RBFOX1: variants seen among roughly 807,000 people sequenced by gnomAD.
RBFOX1 encodes RNA binding protein fox-1 homolog 1.
A neutral mutation model predicts 57.7 loss-of-function variants in RBFOX1; 8 were observed. The ratio of observed to expected loss-of-function variants is 0.14; its 90% CI spans 0.08 to 0.25. The LOEUF (loss-of-function observed/expected upper bound fraction) is 0.25. RBFOX1 is among the 10% of genes least tolerant of loss of function. The pLI, the probability that RBFOX1 is intolerant of heterozygous loss-of-function variation, is 1.00. For missense variants in RBFOX1, 611 were observed against 548.5 expected (o/e 1.11, Z -1.14); for synonymous variants, 326 against 222.4 (o/e 1.47, Z -4.15).
chr16:5,802,489 C>T (rs574918899), intron 3 of RBFOX1, among the ~76,000 whole-genome samples: 1 of 152,254 alleles, frequency 6.6e-6, no homozygotes, highest in Admixed American at 6.5e-5. Flanking sequence ...ATTCTTGGCC[C>T]TTCCCTCATC....
chr16:6,352,713 T>C (rs988068742), intron 2 of RBFOX1, among the ~76,000 whole-genome samples: 8 of 152,242 alleles, frequency 5.3e-5, no homozygotes, highest in South Asian at 2.1e-4. Context: ...AGGGCATTTA[T>C]CATATTGAAG....
At chr16:6,413,823 A>G (rs184899259) in intron 2 of RBFOX1, among the ~76,000 whole-genome samples, 4 of 152,248 alleles carry the variant, frequency 2.6e-5, no homozygotes, top group East Asian at 1.9e-4. Context: ...TAGCCCCTGC[A>G]TGTTCTTTTT....
chr16:6,616,767 G>A (rs1281320846), intron 2 of RBFOX1, among the ~76,000 whole-genome samples: 4 of 152,182 alleles, frequency 2.6e-5, no homozygotes, highest in Non-Finnish European at 5.9e-5. Flanking sequence ...AAAAGGCAGG[G>A]CTTTTCTGAC....
intron 4 of RBFOX1, among the ~76,000 whole-genome samples, chr16:5,928,921 A>G (rs1567158460): frequency 6.6e-6 from 1 of 151,998 alleles, no homozygotes; most frequent in Non-Finnish European, 1.5e-5. Flanking sequence ...AATTGAAAAC[A>G]GAGCTCGCAA....
chr16:5,626,793 C>G (rs140678717), intron 3 of RBFOX1, among the ~76,000 whole-genome samples: 25 of 152,186 alleles, frequency 1.6e-4, no homozygotes, highest in African/African-American at 5.5e-4. Context: ...AAAAGCTCAA[C>G]TCTCTTGCTT....
intron 1 of RBFOX1, among the ~76,000 whole-genome samples, chr16:5,410,915 C>G (rs1352019684): frequency 2.0e-5 from 3 of 152,212 alleles, no homozygotes; most frequent in African/African-American, 7.2e-5. Context: ...CTCTTTACAT[C>G]TTGATTGTTT....
At chr16:7,406,437 C>G (rs1017990212) in intron 4 of RBFOX1, among the ~76,000 whole-genome samples, 3 of 152,188 alleles carry the variant, frequency 2.0e-5, no homozygotes, top group African/African-American at 7.2e-5. Context: ...CCAGTCCCTT[C>G]CTTTTACTGT....
chr16:6,257,567 C>T (rs1197259536), intron 1 of RBFOX1, among the ~76,000 whole-genome samples: 1 of 152,106 alleles, frequency 6.6e-6, no homozygotes, highest in South Asian at 2.1e-4. Flanking sequence ...GATCCTCTCC[C>T]ACTTCCCATC....
At chr16:7,458,563 C>T (rs1351401127) in intron 4 of RBFOX1, among the ~76,000 whole-genome samples, 1 of 152,202 alleles carries the variant, frequency 6.6e-6, no homozygotes, top group East Asian at 1.9e-4. Flanking sequence ...CTCTGACCTA[C>T]TTCCCTAGCA....
At chr16:6,170,738 C>A (rs2096954109) in intron 1 of RBFOX1, among the ~76,000 whole-genome samples, 2 of 152,072 alleles carry the variant, frequency 1.3e-5, no homozygotes, top group Admixed American at 1.3e-4. Context: ...GCTTCTCTCC[C>A]TCCTCCCACC....
At chr16:6,256,313 G>GTA (rs1475746244) in intron 1 of RBFOX1, among the ~76,000 whole-genome samples, 6 of 140,256 alleles carry the variant, frequency 4.3e-5, no homozygotes, top group East Asian at 2.0e-4. Flanking sequence ...ATATATATAT[G>GTA]TATATATATA....
intron 1 of RBFOX1, among the ~76,000 whole-genome samples, chr16:6,140,495 C>T (rs1432249192): frequency 6.6e-6 from 1 of 152,122 alleles, no homozygotes; most frequent in African/African-American, 2.4e-5. Flanking sequence ...TGTGCCCAGC[C>T]AGAAATGCTT....
Position 6,754,958 on chromosome 16 carries a change from G to C in RBFOX1, c.-16+100308G>C, listed in dbSNP as rs929079765. Among the ~76,000 whole-genome samples, 57 of 151,848 alleles carry C rather than the reference G, an allele frequency of 3.8e-4. 1 individual carries two copies. Among genetic ancestry groups the C allele is most frequent in the Non-Finnish European group, 4.7e-4 (32 of 68,000 alleles). ...CTATGACTGAGAATATGCGGTGTTT[G>C]GTTTTTTGTTCTTGGGATAGTTTAC... On this transcript the variant is annotated intron_variant, in intron 3 of 15. Coordinates refer to ENST00000550418, the MANE Select transcript of RBFOX1 (RefSeq NM_018723.4).
At position 6,850,158 on chromosome 16, in the gene RBFOX1, C is replaced by T. The variant is rs545619957; in HGVS notation, c.-16+195508C>T. Among the ~76,000 whole-genome samples, 13 of 152,270 alleles carry T rather than the reference C, an allele frequency of 8.5e-5. No homozygotes were observed. In the East Asian group the frequency reaches 2.1e-3, roughly 25 times the overall value. On this transcript the variant is annotated intron_variant, in intron 3 of 15. Coordinates refer to ENST00000550418, the MANE Select transcript of RBFOX1 (RefSeq NM_018723.4). ...AGTTCCTGCACCCTAGGGTTCCTTT[C>T]CCTTTATCATTTAGTCCTTCATTCA...
At chr16:5,532,286 G>T (rs2044512252) in intron 2 of RBFOX1, among the ~76,000 whole-genome samples, 1 of 152,204 alleles carries the variant, frequency 6.6e-6, no homozygotes, top group Admixed American at 6.5e-5. Flanking sequence ...AGCAGACTTT[G>T]CCAAACATTT....
intron 4 of RBFOX1, among the ~76,000 whole-genome samples, chr16:5,888,947 T>A (rs1198084978): frequency 6.6e-6 from 1 of 152,130 alleles, no homozygotes; most frequent in Admixed American, 6.5e-5. Context: ...GAAGATCTCT[T>A]CATCCTCTGC....
chr16:5,996,953 G>A (rs925388007), intron 4 of RBFOX1, among the ~76,000 whole-genome samples: 3 of 151,964 alleles, frequency 2.0e-5, no homozygotes, highest in East Asian at 1.9e-4. Flanking sequence ...CCAAACTGAC[G>A]AGCAAGCACC....
intron 3 of RBFOX1, among the ~76,000 whole-genome samples, 196 bp downstream of exon 3, chr16:6,654,846 A>G (rs1451127943): frequency 6.6e-6 from 1 of 151,676 alleles, no homozygotes; most frequent in African/African-American, 2.4e-5. Flanking sequence ...TGATGGCTTC[A>G]TGAGGAGTGC....
intron 3 of RBFOX1, among the ~76,000 whole-genome samples, chr16:6,871,971 G>T (rs567406381): frequency 1.4e-5 from 2 of 141,010 alleles, no homozygotes; most frequent in Admixed American, 1.4e-4. Flanking sequence ...GTTTCCCTCG[G>T]TAGAGTATGG....
Sources: allele counts gnomAD v4.1 joint callset (sites outside exome capture counted in the v4.1 genomes callset), GRCh38; gene constraint gnomAD v4.1.1; transcripts MANE v1.5; gene names NCBI Gene and HGNC (gene_info 2026-07-23, HGNC 2026-07-21).